The following KIF4A variants were observed in gnomAD, a reference collection of about 807,000 sequenced individuals.
KIF4A encodes chromosome-associated kinesin KIF4A.
In KIF4A, 7 loss-of-function variants were observed where a neutral mutation model predicts 105.9. That is an observed-to-expected ratio of 0.07 (90% CI 0.04 to 0.12). The LOEUF (loss-of-function observed/expected upper bound fraction) is 0.12, where lower values mean the gene tolerates loss of function less well. Among genes scored for constraint, KIF4A ranks in the 10% least tolerant of loss-of-function variants. The pLI is 1.00. For synonymous variants in KIF4A, 281 were observed against 331.3 expected (o/e 0.85, Z 1.65); for missense variants, 558 against 929.2 (o/e 0.60, Z 5.19).
intron 20 of KIF4A, among the ~76,000 whole-genome samples, chrX:70,388,671 T>G (rs1285703331): frequency 8.9e-6 from 1 of 112,190 alleles, no homozygotes. Flanking sequence ...TTTCATGTGC[T>G]TATTTGCCAT....
intron 3 of KIF4A, among the ~76,000 whole-genome samples, chrX:70,296,661 G>A (rs1441128857): frequency 8.9e-6 from 1 of 112,550 alleles, no homozygotes; most frequent in African/African-American, 3.2e-5. Flanking sequence ...TAGGAAGACA[G>A]AATTTTCAAG....
intron 28 of KIF4A, among the ~76,000 whole-genome samples, chrX:70,407,813 A>G: frequency 8.9e-6 from 1 of 112,508 alleles, no homozygotes; most frequent in Non-Finnish European, 1.9e-5. Flanking sequence ...CACGCCTGTA[A>G]TCCCTGCACT....
chrX:70,418,386 T>C (rs1030400387), intron 29 of KIF4A, among the ~76,000 whole-genome samples: 1 of 111,897 alleles, frequency 8.9e-6, no homozygotes, highest in Non-Finnish European at 1.9e-5. Flanking sequence ...AGCCACGTAC[T>C]GAGGTAGCAG....
chrX:70,356,400 C>G (rs1247050644), intron 15 of KIF4A, among the ~76,000 whole-genome samples: 2 of 111,332 alleles, frequency 1.8e-5, no homozygotes, highest in Admixed American at 9.5e-5. Flanking sequence ...CATGGTGAAA[C>G]CCTGTCTCTA....
intron 5 of KIF4A, among the ~76,000 whole-genome samples, chrX:70,301,445 C>T (rs2085804090): frequency 9.0e-6 from 1 of 111,192 alleles, no homozygotes; most frequent in South Asian, 3.8e-4. Flanking sequence ...CTTCCTAATC[C>T]AGTGGAAACT....
chrX:70,392,856 ATAATTATTATTATTATTATT>A (rs912632741), intron 20 of KIF4A, among the ~76,000 whole-genome samples: 2 of 105,149 alleles, frequency 1.9e-5, no homozygotes, highest in Non-Finnish European at 3.9e-5. Context: ...AATAATAATA[ATAATTATTATTATTATTATT>A]TTGAGACGGA....
chrX:70,302,918 C>T (rs1446416970), intron 7 of KIF4A, among the ~76,000 whole-genome samples: 1 of 111,737 alleles, frequency 8.9e-6, no homozygotes, highest in African/African-American at 3.2e-5. Flanking sequence ...TTATTAATCT[C>T]TCTAACAAAA....
chrX:70,405,998 G>T, intron 26 of KIF4A, 93 bp downstream of exon 26: 1 of 693,160 alleles, frequency 1.4e-6, no homozygotes, highest in Non-Finnish European at 2.3e-6. Flanking sequence ...TGGTGACTTG[G>T]CTTTATTTCA....
At chrX:70,353,572 A>G (rs1272147569) in intron 14 of KIF4A, 50 bp from the exon 15 acceptor site, 1 of 1,095,594 alleles carries the variant, frequency 9.1e-7, no homozygotes, top group Non-Finnish European at 1.2e-6. Flanking sequence ...TGCCTAAGGA[A>G]CTCCATTTGC....
chrX:70,375,085 ATG>A (rs753933199), intron 16 of KIF4A, 117 bp from the exon 17 acceptor site: 2 of 780,319 alleles, frequency 2.6e-6, no homozygotes, highest in Non-Finnish European at 3.6e-6. Context: ...TAAGATGGCT[ATG>A]TGACTAGTCA....
chrX:70,366,238 T>C (rs2086102840), intron 15 of KIF4A, among the ~76,000 whole-genome samples: 1 of 111,016 alleles, frequency 9.0e-6, no homozygotes, highest in African/African-American at 3.3e-5. Context: ...GTTTTTTGTG[T>C]CTCTATTTCC....
In KIF4A at chrX:70,301,265, G is replaced by A. The variant is rs183114557; in HGVS notation, c.517-635G>A. Among the ~76,000 whole-genome samples, 314 of 111,304 alleles carry A rather than the reference G, an allele frequency of 2.8e-3. 3 individuals are homozygous for A. The highest frequency in any genetic ancestry group is 9.7e-3 in the African/African-American group (298 of 30,665). ...TTAGAAATAAAAGACTAGAAATTAG[G>A]GCCACAGAAGTAAGTTTGGGAGCTA... On this transcript the variant is annotated intron_variant, in intron 5 of 30. Coordinates refer to ENST00000374403, the MANE Select transcript of KIF4A (RefSeq NM_012310.5).
chrX:70,296,095 T>TTTG (rs1229197174), intron 3 of KIF4A, among the ~76,000 whole-genome samples: 1 of 91,045 alleles, frequency 1.1e-5, no homozygotes, highest in East Asian at 3.4e-4. Flanking sequence ...TTTTTTTTTT[T>TTTG]TTTTTTTTGA....
At chrX:70,304,599 T>C (rs2085818797) in intron 7 of KIF4A, among the ~76,000 whole-genome samples, 1 of 108,289 alleles carries the variant, frequency 9.2e-6, no homozygotes, top group South Asian at 4.2e-4. Flanking sequence ...TGGCTTAGCC[T>C]AAGATTTTCA....
At chrX:70,383,136 G>A (rs1337687463) in intron 18 of KIF4A, among the ~76,000 whole-genome samples, 5 of 105,518 alleles carry the variant, frequency 4.7e-5, no homozygotes, top group African/African-American at 1.0e-4. Context: ...GTGGTGAGCC[G>A]AGATCGTGCC....
intron 28 of KIF4A, among the ~76,000 whole-genome samples, chrX:70,416,358 T>C (rs1261391035): frequency 3.2e-5 from 3 of 92,707 alleles, no homozygotes; most frequent in Non-Finnish European, 6.5e-5. Context: ...TTTTTTTTTT[T>C]TTTTTTTTTT....
chrX:70,419,940 T>A (rs2086360015), intron 30 of KIF4A, 122 bp from the exon 31 acceptor site: 4 of 996,165 alleles, frequency 4.0e-6, no homozygotes, highest in African/African-American at 1.9e-5. Context: ...GTTTTTTCCA[T>A]AGAATGATCT....
At chrX:70,318,951 CTTTT>C (rs1472725106) in intron 7 of KIF4A, among the ~76,000 whole-genome samples, 1 of 111,972 alleles carries the variant, frequency 8.9e-6, no homozygotes, top group African/African-American at 3.3e-5. Flanking sequence ...TTTTTACTTT[CTTTT>C]TAATTTTGTG....
chrX:70,406,604 C>T (rs1053600164), intron 27 of KIF4A, among the ~76,000 whole-genome samples: 6 of 111,899 alleles, frequency 5.4e-5, no homozygotes, highest in African/African-American at 1.9e-4. Context: ...GAGAAAAGAG[C>T]AATAATGTTC....
Sources: allele counts gnomAD v4.1 joint callset (sites outside exome capture counted in the v4.1 genomes callset), GRCh38; gene constraint gnomAD v4.1.1; transcripts MANE v1.5; gene names NCBI Gene and HGNC (gene_info 2026-07-23, HGNC 2026-07-21).